The following OSMR variants were observed in gnomAD, a reference collection of about 807,000 sequenced individuals.
The protein encoded by OSMR is oncostatin M receptor.
Under a neutral mutation model 99.9 loss-of-function variants are expected in OSMR, and 81 were observed. That is an observed-to-expected ratio of 0.81 (90% CI 0.68 to 0.97). The LOEUF (loss-of-function observed/expected upper bound fraction) is 0.97. Ranked by LOEUF, OSMR falls within the 50% of genes least tolerant of loss-of-function variation. The probability of loss-of-function intolerance (pLI) is 0.00; values close to 1 mark genes in which losing one functional copy is unlikely to be tolerated. For missense variants in OSMR, 1,099 were observed against 1,153.4 expected, an observed-to-expected ratio of 0.95 and a Z score of 0.68; for synonymous variants, 406 against 410.4, an observed-to-expected ratio of 0.99 and a Z score of 0.13.
chr5:38,943,233 G>C, intron 1 of OSMR: 1 of 341,792 alleles, frequency 2.9e-6, no homozygotes, highest in Non-Finnish European at 5.4e-6. Context: ...TTATTGGCAT[G>C]AGAAATTGCA....
rs1341373593 is a variant in OSMR at position 38,932,965 on chromosome 5, C to T, written c.2461C>T (p.Leu821=). ...SKPEGTKIQF[L]GTRKSLTETE... is the part of the protein sequence containing the mutation. ...GCCAGAAGGGACAAAGATACAGTTC[C>T]TAGGCACTAGGAAGTCACTCACAGA... Residue 821 remains leucine (L), a synonymous_variant, in exon 18 of 18, where the codon CTA becomes TTA. Transcript: ENST00000274276. 1.2e-6 allele frequency: 2 copies of T among 1,614,030 alleles called. No individual in the cohort carries two copies. The highest frequency in any genetic ancestry group is 1.7e-6 in the Non-Finnish European group (2 of 1,180,032).
At chr5:38,914,884 A>G (rs911916978) in intron 9 of OSMR, among the ~76,000 whole-genome samples, 4 of 152,200 alleles carry the variant, frequency 2.6e-5, no homozygotes, top group African/African-American at 9.6e-5. Flanking sequence ...GTTGGGTTCT[A>G]TGCCCACTGT....
chr5:38,855,994 C>T (rs1021048757), intron 1 of OSMR, among the ~76,000 whole-genome samples: 3 of 152,120 alleles, frequency 2.0e-5, no homozygotes, highest in South Asian at 2.1e-4. Context: ...GGCTCCTCCT[C>T]GTTCCCTAAA....
At chr5:38,893,481 G>C (rs1200507575) in intron 7 of OSMR, among the ~76,000 whole-genome samples, 2 of 152,182 alleles carry the variant, frequency 1.3e-5, no homozygotes, top group African/African-American at 4.8e-5. Flanking sequence ...ATCTTGAAAA[G>C]AAATCAATTA....
At chr5:38,936,632 T>TATC (rs1489618442), downstream of OSMR, among the ~76,000 whole-genome samples, 2 of 152,358 alleles carry the variant, frequency 1.3e-5, no homozygotes, top group East Asian at 3.9e-4. Context: ...TACTTAATAA[T>TATC]ATCTTCTTAT....
intron 14 of OSMR, 58 bp downstream of exon 14, chr5:38,924,653 A>G: frequency 7.5e-7 from 1 of 1,338,870 alleles, no homozygotes; most frequent in Non-Finnish European, 1.1e-6. Flanking sequence ...ATTTGAAATC[A>G]TTTAAAATAA....
rs764078504 is a variant in OSMR, at chr5:38,932,558, T to A, written c.2367+23T>A. The A allele has an allele frequency of 3.1e-6, 5 of 1,592,832 alleles. No homozygotes were observed. The East Asian group carries it at 1.1e-4, about 36-fold the overall frequency. On this transcript the variant is annotated intron_variant, in intron 17 of 17. Coordinates refer to ENST00000274276, the MANE Select transcript of OSMR (RefSeq NM_003999.3). ...AAGGTAAATGTTGGCAAATTGTATG[T>A]ATACCATATACCTATTAAGGACTAA...
chr5:38,865,734 T>A (rs374987315), intron 1 of OSMR, among the ~76,000 whole-genome samples: 24 of 151,946 alleles, frequency 1.6e-4, no homozygotes, highest in African/African-American at 5.6e-4. Flanking sequence ...TCCCTGGGCC[T>A]CCATGTGGCT....
At position 38,935,174 on chromosome 5, in the gene OSMR, T is replaced by C. The variant is rs887929365; in HGVS notation, c.*1730T>C. 6.6e-6 allele frequency: 1 copy of C among 152,350 alleles called. No homozygotes were observed. Among genetic ancestry groups the C allele is most frequent in the African/African-American group, 2.4e-5 (1 of 41,446 alleles). 9.4% of individuals were successfully genotyped at this position (152,350 alleles called of 1,614,324 possible). A position where few individuals can be genotyped will look rare whatever the true frequency, so the allele number is the denominator to read the frequency against. ...CAAGCATGAAAGGGGTTCATTTTTG[T>C]CTTCTTCTTGCCTGCCGTCAGCATG... On this transcript the variant is annotated 3_prime_UTR_variant, in exon 18 of 18. Transcript: ENST00000274276.
At chr5:38,882,949 G>T (rs1165413218) in intron 4 of OSMR, among the ~76,000 whole-genome samples, 1 of 152,172 alleles carries the variant, frequency 6.6e-6, no homozygotes, top group Non-Finnish European at 1.5e-5. Flanking sequence ...GGCTCCAGAG[G>T]TCATGTGCTT....
At chr5:38,931,723 CT>C in intron 15 of OSMR, 159 bp from the exon 16 acceptor site, 1 of 980,396 alleles carries the variant, frequency 1.0e-6, no homozygotes, top group Non-Finnish European at 1.2e-6. Flanking sequence ...GGTTGGTTGG[CT>C]TTTCCCCTGA....
At chr5:38,918,240 A>G (rs1246608748) in intron 10 of OSMR, among the ~76,000 whole-genome samples, 3 of 151,934 alleles carry the variant, frequency 2.0e-5, no homozygotes, top group African/African-American at 7.3e-5. Flanking sequence ...TCCACACCCC[A>G]AGCAGATAGC....
intron 7 of OSMR, among the ~76,000 whole-genome samples, chr5:38,896,787 C>T (rs977355077): frequency 1.3e-5 from 2 of 151,690 alleles, no homozygotes; most frequent in African/African-American, 4.8e-5. Flanking sequence ...ACGGGTCTGT[C>T]GTATATGACT....
chr5:38,852,687 C>G (rs1479884123), intron 1 of OSMR, among the ~76,000 whole-genome samples: 2 of 118,524 alleles, frequency 1.7e-5, no homozygotes, highest in Non-Finnish European at 3.6e-5. Context: ...AGGGATAGCT[C>G]TTTGTGATAC....
At chr5:38,908,384 C>G (rs1745377236) in intron 9 of OSMR, among the ~76,000 whole-genome samples, 1 of 152,210 alleles carries the variant, frequency 6.6e-6, no homozygotes, top group Admixed American at 6.5e-5. Context: ...GCCCTACTCT[C>G]AGAGGTACCC....
intron 7 of OSMR, among the ~76,000 whole-genome samples, chr5:38,886,903 G>A (rs1224817989): frequency 6.6e-6 from 1 of 152,098 alleles, no homozygotes; most frequent in African/African-American, 2.4e-5. Flanking sequence ...TACAGGATAA[G>A]GTCAAGTTGT....
chr5:38,877,660 C>T (rs1195933258), intron 3 of OSMR, among the ~76,000 whole-genome samples: 3 of 152,040 alleles, frequency 2.0e-5, no homozygotes, highest in Non-Finnish European at 2.9e-5. Flanking sequence ...GGATTATCTA[C>T]AAAAAGAAAA....
intron 5 of OSMR, among the ~76,000 whole-genome samples, chr5:38,884,784 G>T (rs1743576122): frequency 6.6e-6 from 1 of 152,102 alleles, no homozygotes; most frequent in African/African-American, 2.4e-5. Flanking sequence ...CCTGTATTTT[G>T]AGCATCTCCT....
intron 1 of OSMR, among the ~76,000 whole-genome samples, chr5:38,861,920 G>C: frequency 7.4e-6 from 1 of 134,614 alleles, no homozygotes; most frequent in Non-Finnish European, 1.6e-5. Flanking sequence ...GCCGGGCGGG[G>C]GGCTGACCCC....
Sources: gnomAD v4.1 joint callset for allele counts (sites outside exome capture counted in the v4.1 genomes callset) on GRCh38, gnomAD v4.1.1 for gene constraint, MANE v1.5 for transcripts, NCBI Gene and HGNC (gene_info 2026-07-23, HGNC 2026-07-21) for gene names.